Variants in HEATR5B observed in about 807,000 individuals in gnomAD.
HEATR5B encodes HEAT repeat containing 5B.
In HEATR5B, 156 loss-of-function variants were observed where a neutral mutation model predicts 224.1. That is an observed-to-expected ratio of 0.70 (90% CI 0.61 to 0.80). The LOEUF (loss-of-function observed/expected upper bound fraction) is 0.80, where lower values mean the gene tolerates loss of function less well. Ranked by LOEUF, HEATR5B falls within the 30% of genes least tolerant of loss-of-function variation. The pLI is 0.00. For synonymous variants in HEATR5B, 1,027 were observed against 893.0 expected, an observed-to-expected ratio of 1.15 and a Z score of -2.68; for missense variants, 2,323 against 2,535.5, an observed-to-expected ratio of 0.92 and a Z score of 1.80.
chr2:37,067,543 T>C lies in HEATR5B; in HGVS notation c.1177+1138A>G, dbSNP rs529422174. Among the ~76,000 whole-genome samples the C allele has an allele frequency of 2.0e-5, 3 of 152,218 alleles. No homozygotes were observed. The East Asian group carries it at 5.8e-4, about 29-fold the overall frequency. ...CAGCACTCTGGGAGGCCAAGGCAGG[T>C]GGATCACTTGAGGTCAGGAGTTTGA... On this transcript the variant is annotated intron_variant, in intron 8 of 35. Transcript: ENST00000233099.
At chr2:37,018,142 A>C (rs887702950) in intron 26 of HEATR5B, among the ~76,000 whole-genome samples, 1 of 152,126 alleles carries the variant, frequency 6.6e-6, no homozygotes, top group African/African-American at 2.4e-5. Context: ...CAGCAACAGA[A>C]GGAAAGGAGG....
intron 17 of HEATR5B, among the ~76,000 whole-genome samples, chr2:37,053,132 T>C (rs1231974148): frequency 6.6e-6 from 1 of 152,198 alleles, no homozygotes; most frequent in Non-Finnish European, 1.5e-5. Context: ...ATTCTTTCAA[T>C]TATGTAACAC....
intron 27 of HEATR5B, among the ~76,000 whole-genome samples, chr2:37,009,966 C>T (rs186689723): frequency 8.9e-4 from 136 of 152,254 alleles, no homozygotes; most frequent in African/African-American, 3.2e-3. Flanking sequence ...TGCAATCTAG[C>T]ATTTACAACA....
At chr2:37,010,737 C>T (rs1344835261) in intron 27 of HEATR5B, among the ~76,000 whole-genome samples, 6 of 152,174 alleles carry the variant, frequency 3.9e-5, no homozygotes, top group East Asian at 3.9e-4. Flanking sequence ...TGGTCTCAAA[C>T]TCCTGACCGC....
At chr2:36,996,504 C>A (rs1171245487) in intron 33 of HEATR5B, among the ~76,000 whole-genome samples, 1 of 151,420 alleles carries the variant, frequency 6.6e-6, no homozygotes, top group East Asian at 1.9e-4. Context: ...GCAACCTCTG[C>A]CTCCTGAGTT....
chr2:37,005,550 A>C, intron 30 of HEATR5B, 82 bp downstream of exon 30: 1 of 1,331,588 alleles, frequency 7.5e-7, no homozygotes, highest in Non-Finnish European at 1.1e-6. Context: ...CCAATACAGA[A>C]AAAAAATCCA....
At chr2:37,036,003 C>T (rs1465993077) in intron 21 of HEATR5B, among the ~76,000 whole-genome samples, 1 of 152,178 alleles carries the variant, frequency 6.6e-6, no homozygotes, top group Non-Finnish European at 1.5e-5. Context: ...CCACTAAGAG[C>T]CAATTAATGA....
At chr2:37,049,490 G>C (rs1670402527) in intron 18 of HEATR5B, among the ~76,000 whole-genome samples, 163 bp downstream of exon 18, 1 of 152,116 alleles carries the variant, frequency 6.6e-6, no homozygotes, top group Non-Finnish European at 1.5e-5. Context: ...CCAGATTCTA[G>C]AGTTGAATCA....
At chr2:37,080,792 C>T (rs897425563) in intron 2 of HEATR5B, among the ~76,000 whole-genome samples, 1 of 150,906 alleles carries the variant, frequency 6.6e-6, no homozygotes, top group African/African-American at 2.4e-5. Context: ...AAAAAAAATG[C>T]CCTGAACTGA....
chr2:37,002,517 G>A lies in HEATR5B; in HGVS notation c.5106C>T (p.Ser1702=), dbSNP rs1027964286. 8 of 1,613,928 alleles carry A rather than the reference G, an allele frequency of 5.0e-6. No homozygotes were observed. The highest frequency in any genetic ancestry group is 1.6e-4 in the Middle Eastern group (1 of 6,084). ...ACTVLGEGGD[S]GGLIPGKSLV... Reference sequence around the variant, plus strand: ...GAGATTTTCCAGGAATGAGACCACCGCTGTCACCTCCTTCTCCCAATACGG... The same window carrying A: ...GAGATTTTCCAGGAATGAGACCACCACTGTCACCTCCTTCTCCCAATACGG... The change falls in exon 32 of 36, where the codon AGC becomes AGT. Residue 1702 remains serine (S), a synonymous_variant. Coordinates refer to ENST00000233099, the MANE Select transcript of HEATR5B (RefSeq NM_019024.3).
chr2:37,053,380 A>T (rs905907284), intron 17 of HEATR5B, 122 bp downstream of exon 17: 2 of 447,404 alleles, frequency 4.5e-6, no homozygotes, highest in Non-Finnish European at 4.0e-6. Flanking sequence ...AACTAAGCTA[A>T]CGTAAAGGCA....
In HEATR5B at chr2:37,007,109, G is replaced by A. The variant is rs1667469859; in HGVS notation, c.4718C>T (p.Ala1573Val). The change falls in exon 29 of 36, where the codon GCA becomes GTA. Residue 1573 changes from alanine (A) to valine (V), a missense_variant. This residue lies in a region of HEATR5B where 844 missense variants were observed against 812.9 expected (regional missense o/e 1.04). Transcript: ENST00000233099. ...TSVNLNQASG[A>V]VGSAKSLPEI... Reference sequence around the variant, plus strand: ...TGGCAAAGATTTAGCACTACCCACTGCTCCTGATGCCTGGTTTAAATTGAC... The same window carrying A: ...TGGCAAAGATTTAGCACTACCCACTACTCCTGATGCCTGGTTTAAATTGAC... 1 of 1,613,930 alleles carries A rather than the reference G, an allele frequency of 6.2e-7. No individual in the cohort carries two copies. Among genetic ancestry groups the A allele is most frequent in the Admixed American group, 1.7e-5 (1 of 59,986 alleles).
intron 14 of HEATR5B, among the ~76,000 whole-genome samples, 184 bp from the exon 15 acceptor site, chr2:37,057,664 T>C (rs1670996885): frequency 6.6e-6 from 1 of 152,314 alleles, no homozygotes; most frequent in African/African-American, 2.4e-5. Context: ...TCCTTTCATA[T>C]ATTGTATTGT....
At chr2:36,994,913 G>A (rs920055010) in intron 33 of HEATR5B, among the ~76,000 whole-genome samples, 3 of 151,674 alleles carry the variant, frequency 2.0e-5, no homozygotes, top group African/African-American at 7.3e-5. Context: ...ACCACGCCTG[G>A]CTAATTTTTT....
Position 37,060,572 on chromosome 2 carries a change from A to C in HEATR5B, c.1849+9T>G. The C allele has an allele frequency of 3.1e-6, 5 of 1,607,026 alleles. No homozygotes were observed. Among genetic ancestry groups the C allele is most frequent in the Non-Finnish European group, 4.3e-6 (5 of 1,176,152 alleles). The stretch of plus-strand genomic sequence containing the variant: ...TAATATTGTGAAGCACAATCCTTTC[A>C]GTTCTTACCACATAGAGCTCCAGCA... On this transcript the variant is annotated intron_variant, in intron 12 of 35. Transcript: ENST00000233099.
In HEATR5B at chr2:36,981,671, T is replaced by A. The variant is rs369183745; in HGVS notation, c.6035A>T (p.His2012Leu). 6.2e-7 allele frequency: 1 copy of A among 1,614,036 alleles called. No individual in the cohort carries two copies. The highest frequency in any genetic ancestry group is 1.3e-5 in the African/African-American group (1 of 74,924). The change falls in exon 36 of 36, where the codon CAT (histidine) becomes CTT (leucine). Residue 2012 changes from histidine (H) to leucine (L), a missense_variant. His to Leu is a moderately conservative substitution (Grantham distance 99). This residue lies in a region of HEATR5B where 844 missense variants were observed against 812.9 expected (regional missense o/e 1.04). Transcript: ENST00000233099. ...AGCATGTGGATACAGAGGTCCAATA[T>A]GCATTAAATTCTGGAGTGCAAACTC... ...LHEFALQNLM[H>L]IGPLYPHAFK...
chr2:36,989,658 C>T (rs2148331558), intron 34 of HEATR5B, among the ~76,000 whole-genome samples: 1 of 152,066 alleles, frequency 6.6e-6, no homozygotes, highest in Admixed American at 6.6e-5. Flanking sequence ...ATTAGAAAGG[C>T]TTCAGATTAA....
rs991814320 is a variant in HEATR5B at position 37,028,734 on chromosome 2, T to C, written c.3548A>G (p.Glu1183Gly). The change falls in exon 23 of 36, where the codon GAA (glutamate) becomes GGA (glycine). Residue 1183 changes from glutamate to glycine, a missense_variant. By Grantham distance (98) the Glu-to-Gly change is moderately conservative. Transcript: ENST00000233099. ...LGHMLSSLAV[E>G]KLSHWLMLCK... ...AAGCATTAGCCAATGAGAAAGTTTT[T>C]CTACTGCCAGCGAAGAAAGCATATG... 6.2e-7 allele frequency: 1 copy of C among 1,614,038 alleles called. No homozygotes were observed. The highest frequency in any genetic ancestry group is 1.7e-5 in the Admixed American group (1 of 60,004).
At chr2:37,008,335 C>T in intron 28 of HEATR5B, 2 of 478,032 alleles carry the variant, frequency 4.2e-6, no homozygotes, top group Non-Finnish European at 7.6e-6. Context: ...TGCATAATGA[C>T]TTGTTACCCA....
Sources: allele counts gnomAD v4.1 joint callset (sites outside exome capture counted in the v4.1 genomes callset), GRCh38; gene constraint gnomAD v4.1.1; regional missense constraint gnomAD v4.1.1; transcripts MANE v1.5; gene names NCBI Gene and HGNC (gene_info 2026-07-23, HGNC 2026-07-21).